The following TSKU variants were observed in gnomAD, a reference collection of about 807,000 sequenced individuals.
TSKU encodes tsukushi, small leucine rich proteoglycan.
Under a neutral mutation model 11.2 loss-of-function variants are expected in TSKU, and 4 were observed. That is an observed-to-expected ratio of 0.36 (90% CI 0.18 to 0.82). The LOEUF is 0.82. Ranked by LOEUF, TSKU falls within the 40% of genes least tolerant of loss-of-function variation. The probability of loss-of-function intolerance (pLI) is 0.50; values close to 1 mark genes in which losing one functional copy is unlikely to be tolerated. For synonymous variants in TSKU, 220 were observed against 232.2 expected (o/e 0.95, Z 0.48); for missense variants, 407 against 482.5 (o/e 0.84, Z 1.47).
At chr11:76,785,210 C>T (rs1270575012) in intron 1 of TSKU, among the ~76,000 whole-genome samples, 1 of 152,176 alleles carries the variant, frequency 6.6e-6, no homozygotes, top group African/African-American at 2.4e-5. Flanking sequence ...GGGGGATTGA[C>T]CTTTTCTCCT....
chr11:76,784,911 G>C (rs1478452436), intron 1 of TSKU, among the ~76,000 whole-genome samples: 1 of 152,212 alleles, frequency 6.6e-6, no homozygotes. Flanking sequence ...GCTAACCTGG[G>C]AAAGAAACAA....
chr11:76,795,679 C>T lies in TSKU; in HGVS notation c.63C>T (p.Phe21=), dbSNP rs765795186. ...GGGCCCAGACAACCCGGCCATGCTT[C>T]CCCGGGTGCCAATGCGAGGTGGAGA... ...VSGAQTTRPC[F]PGCQCEVETF... The change falls in exon 2 of 2, where the codon TTC becomes TTT. Residue 21 remains phenylalanine (F), a synonymous_variant. Transcript: ENST00000333090. 3.7e-6 allele frequency: 6 copies of T among 1,613,972 alleles called. No homozygotes were observed. In the East Asian group the frequency reaches 1.3e-4, roughly 36 times the overall value.
chr11:76,793,444 T>G (rs1369371451), intron 1 of TSKU, among the ~76,000 whole-genome samples: 3 of 152,228 alleles, frequency 2.0e-5, no homozygotes. Flanking sequence ...GGGTCGTATT[T>G]TGAGCTGCTG....
At position 76,795,941 on chromosome 11, in the gene TSKU, T is replaced by C; in HGVS notation, c.325T>C (p.Tyr109His). The change falls in exon 2 of 2, where the codon TAC (tyrosine) becomes CAC (histidine). Residue 109 changes from tyrosine to histidine, a missense_variant. Coordinates refer to ENST00000333090, the MANE Select transcript of TSKU (RefSeq NM_015516.4). ...ACCCACTGCCTTCTCCCGCCTTCGC[T>C]ACCTGGAGTCGCTTGACCTCAGCCA... is the stretch of plus-strand genomic sequence containing the variant. ...ISPTAFSRLR[Y>H]LESLDLSHNG... 6.2e-7 allele frequency: 1 copy of C among 1,613,966 alleles called. No homozygotes were observed. Among genetic ancestry groups the C allele is most frequent in the Non-Finnish European group, 8.5e-7 (1 of 1,180,036 alleles).
rs139490620 is a variant in TSKU at position 76,795,668 on chromosome 11, C to G, written c.52C>G (p.Arg18Gly). The change falls in exon 2 of 2, where the codon CGG (arginine) becomes GGG (glycine). Residue 18 changes from arginine to glycine, a missense_variant. By Grantham distance (125) the Arg-to-Gly change is moderately radical. Coordinates refer to ENST00000333090, the MANE Select transcript of TSKU (RefSeq NM_015516.4). ...GGCCGTGAGTGGGGCCCAGACAACC[C>G]GGCCATGCTTCCCCGGGTGCCAATG... Reference protein sequence around the residue: ...LLAVSGAQTTRPCFPGCQCEV... With the variant: ...LLAVSGAQTTGPCFPGCQCEV... 1.9e-6 allele frequency: 3 copies of G among 1,613,746 alleles called. No individual in the cohort carries two copies. The highest frequency in any genetic ancestry group is 2.5e-6 in the Non-Finnish European group (3 of 1,180,028).
chr11:76,792,847 T>TA (rs763455205), intron 1 of TSKU: 14 of 152,908 alleles, frequency 9.2e-5, no homozygotes, highest in Non-Finnish European at 1.8e-4. Context: ...GAAAACAGAC[T>TA]AATACAACTT....
Position 76,796,592 on chromosome 11 carries a change from C to A in TSKU, c.976C>A (p.Pro326Thr), listed in dbSNP as rs1944454207. The A allele has an allele frequency of 6.5e-7, 1 of 1,527,064 alleles. No homozygotes were observed. The allele number at this position is 1,527,064 out of a possible 1,614,324, so 94.6% of individuals were successfully genotyped here. A position where few individuals can be genotyped will look rare whatever the true frequency, so the allele number is the denominator to read the frequency against. ...CRRLVREGTY[P>T]RRPGSSPKVA... ...GCGCCTGGTGCGGGAGGGCACCTAC[C>A]CCCGGAGGCCTGGCTCCAGCCCCAA... Residue 326 changes from proline to threonine, a missense_variant, in exon 2 of 2, where the codon CCC becomes ACC. Pro to Thr is a conservative substitution (Grantham distance 38). Coordinates refer to ENST00000333090, the MANE Select transcript of TSKU (RefSeq NM_015516.4). This position sits in a 1 kb window ranked among gnomAD's most constrained non-coding sequence, Gnocchi z 4.1.
In TSKU at chr11:76,795,781, C is replaced by T; in HGVS notation, c.165C>T (p.Pro55=). ...TGGGCCCCCACATCATGCCGGTGCC[C>T]ATCCCTCTGGACACAGCCCACTTGG... ...SGLGPHIMPV[P]IPLDTAHLDL... The change falls in exon 2 of 2, where the codon CCC becomes CCT. Residue 55 remains proline (P), a synonymous_variant. Coordinates refer to ENST00000333090, the MANE Select transcript of TSKU (RefSeq NM_015516.4). The T allele has an allele frequency of 1.2e-6, 2 of 1,614,190 alleles. No individual in the cohort carries two copies. Among genetic ancestry groups the T allele is most frequent in the Non-Finnish European group, 1.7e-6 (2 of 1,180,036 alleles).
upstream of TSKU, chr11:76,783,056 G>A (rs1181333002): frequency 2.6e-5 from 4 of 152,724 alleles, no homozygotes; most frequent in Admixed American, 6.5e-5. Context: ...AGATTGCTGG[G>A]GCGCGCAGGG....
rs572431818 is a variant in TSKU at position 76,788,782 on chromosome 11, T to C, written c.-9+5378T>C. On this transcript the variant is annotated intron_variant, in intron 1 of 1. Transcript: ENST00000333090. ...CATCCTGCTCTTCCTCCACACACCC[T>C]CTAGGCCTGGCTCTGATCCCAGGTG... 1.8e-4 allele frequency among the ~76,000 whole-genome samples: 27 copies of C among 152,224 alleles called. No individual in the cohort carries two copies. In the East Asian group the frequency reaches 3.9e-3, roughly 22 times the overall value.
At chr11:76,794,080 G>A (rs1944409469) in intron 1 of TSKU, among the ~76,000 whole-genome samples, 1 of 152,178 alleles carries the variant, frequency 6.6e-6, no homozygotes, top group South Asian at 2.1e-4. Flanking sequence ...CCACCCAGAT[G>A]AAGAGCCTGG....
At position 76,796,128 on chromosome 11, in the gene TSKU, G is replaced by T; in HGVS notation, c.512G>T (p.Arg171Leu). 1 of 1,613,658 alleles carries T rather than the reference G, an allele frequency of 6.2e-7. No homozygotes were observed. The highest frequency in any genetic ancestry group is 8.5e-7 in the Non-Finnish European group (1 of 1,179,996). Residue 171 changes from arginine to leucine, a missense_variant, in exon 2 of 2, where the codon CGC becomes CTC. Coordinates refer to ENST00000333090, the MANE Select transcript of TSKU (RefSeq NM_015516.4). The surrounding 1 kb of genome is among the most constrained non-coding windows in gnomAD (Gnocchi z 4.1). ...HVDLSHNLIH[R>L]LVPHPTRAGL... ...GACCTCTCCCACAACCTCATTCACCGCCTCGTGCCCCACCCCACGAGGGCC... is the reference window on the plus strand; with the variant it reads ...GACCTCTCCCACAACCTCATTCACCTCCTCGTGCCCCACCCCACGAGGGCC...
At position 76,796,891 on chromosome 11, in the gene TSKU, A is replaced by C; in HGVS notation, c.*213A>C. On this transcript the variant is annotated 3_prime_UTR_variant, in exon 2 of 2. Coordinates refer to ENST00000333090, the MANE Select transcript of TSKU (RefSeq NM_015516.4). The surrounding 1 kb of genome is among the most constrained non-coding windows in gnomAD (Gnocchi z 4.1). ...CCCTTTGTCTACGTTGCTTCCCCAA[A>C]CCATGAGCAGAGGGACTTCGATGCC... 7 of 406,712 alleles carry C rather than the reference A, an allele frequency of 1.7e-5. No individual in the cohort carries two copies. The highest frequency in any genetic ancestry group is 7.4e-5 in the East Asian group (2 of 27,126). The allele number at this position is 406,712 out of a possible 1,614,324, so 25.2% of individuals were successfully genotyped here. A position where few individuals can be genotyped will look rare whatever the true frequency, so the allele number is the denominator to read the frequency against.
intron 1 of TSKU, among the ~76,000 whole-genome samples, chr11:76,786,488 T>C (rs1026898733): frequency 6.6e-6 from 1 of 152,194 alleles, no homozygotes; most frequent in Non-Finnish European, 1.5e-5. Flanking sequence ...GTCACAGGCC[T>C]CTAGACTAGA....
intron 1 of TSKU, among the ~76,000 whole-genome samples, chr11:76,795,169 G>A (rs1171436795): frequency 6.6e-6 from 1 of 152,112 alleles, no homozygotes; most frequent in Non-Finnish European, 1.5e-5. Flanking sequence ...CCTCACCCGG[G>A]GCCCGAGGTC....
At chr11:76,785,781 T>G (rs2134384990) in intron 1 of TSKU, among the ~76,000 whole-genome samples, 1 of 152,260 alleles carries the variant, frequency 6.6e-6, no homozygotes, top group South Asian at 2.1e-4. Context: ...CGTCTCTGGC[T>G]TGTGGGTGGT....
intron 1 of TSKU, among the ~76,000 whole-genome samples, chr11:76,791,339 C>T (rs746208146): frequency 6.6e-6 from 1 of 152,214 alleles, no homozygotes; most frequent in Non-Finnish European, 1.5e-5. Flanking sequence ...CAGAAATTTG[C>T]ATAACTTGCA....
At chr11:76,793,130 G>A (rs1944396703) in intron 1 of TSKU, among the ~76,000 whole-genome samples, 1 of 152,274 alleles carries the variant, frequency 6.6e-6, no homozygotes. Flanking sequence ...TACTGTGCAG[G>A]GCTGAGCAAG....
At chr11:76,782,590 G>A (rs1944247019), upstream of TSKU, 1 of 151,084 alleles carries the variant, frequency 6.6e-6, no homozygotes, top group Non-Finnish European at 1.5e-5. Context: ...ACATAAAGAG[G>A]GGTGAGAGCC....
Sources: gnomAD v4.1 joint callset for allele counts (sites outside exome capture counted in the v4.1 genomes callset) on GRCh38, gnomAD v4.1.1 for gene constraint, Gnocchi (gnomAD v3.1) non-coding constraint, MANE v1.5 for transcripts, NCBI Gene and HGNC (gene_info 2026-07-23, HGNC 2026-07-21) for gene names.